The following SETD6 variants were observed in gnomAD, a reference collection of about 807,000 sequenced individuals.
SETD6 encodes SET domain containing 6, protein lysine methyltransferase.
A neutral mutation model predicts 52.7 loss-of-function variants in SETD6; 67 were observed. The ratio of observed to expected loss-of-function variants is 1.27; its 90% confidence interval spans 1.04 to 1.56. The LOEUF is 1.56. SETD6 is among the 40% of genes most tolerant of loss of function. The pLI is 0.00. For synonymous variants in SETD6, 307 were observed against 250.2 expected (o/e 1.23, Z -2.14); for missense variants, 712 against 607.5 (o/e 1.17, Z -1.81).
Position 58,516,239 on chromosome 16 carries a change from A to C in SETD6, c.372A>C (p.Pro124=), listed in dbSNP as rs1206559115. ...TGCAGAGCCAGTCGGGCTGGGTGCCACTGCTGCTGGCGCTGCTCCACGAGC... is the reference window on the plus strand; with the variant it reads ...TGCAGAGCCAGTCGGGCTGGGTGCCCCTGCTGCTGGCGCTGCTCCACGAGC... ...VALQSQSGWV[P]LLLALLHELQ... Residue 124 remains proline (P), a synonymous_variant, in exon 3 of 8, where the codon CCA becomes CCC. Transcript: ENST00000219315. 3.8e-6 allele frequency: 6 copies of C among 1,598,046 alleles called. No homozygotes were observed. The highest frequency in any genetic ancestry group is 2.7e-5 in the African/African-American group (2 of 74,864).
chr16:58,519,983 A>G lies in SETD6; in HGVS notation c.*954A>G, dbSNP rs1348963997. ...CATGACTTTAATGGTTAGCTACAGT[A>G]TGCATACACATACAAGAAGTAGGGG... On this transcript the variant is annotated 3_prime_UTR_variant, in exon 8 of 8. Transcript: ENST00000219315. 2 of 152,254 alleles carry G rather than the reference A, an allele frequency of 1.3e-5. No individual in the cohort carries two copies. Among genetic ancestry groups the G allele is most frequent in the Admixed American group, 1.3e-4 (2 of 15,290 alleles). The allele number at this position is 152,254 out of a possible 1,614,324, so 9.4% of individuals were successfully genotyped here. A position where few individuals can be genotyped will look rare whatever the true frequency, so the allele number is the denominator to read the frequency against.
chr16:58,517,890 T>A lies in SETD6; in HGVS notation c.793-161T>A. On this transcript the variant is annotated intron_variant, in intron 5 of 7. Coordinates refer to ENST00000219315, the MANE Select transcript of SETD6 (RefSeq NM_001160305.4). ...AAAGTTAGCCCAACCCTTTTTTGTT[T>A]CACAGTTTAGGGTCTAACAGGAACT... 3.6e-6 allele frequency: 3 copies of A among 829,652 alleles called. No homozygotes were observed. In the South Asian group the frequency reaches 5.4e-5, roughly 15 times the overall value. 51.4% of individuals were successfully genotyped at this position (829,652 alleles called of 1,614,324 possible). A position where few individuals can be genotyped will look rare whatever the true frequency, so the allele number is the denominator to read the frequency against.
chr16:58,523,345 T>A lies in SETD6; in HGVS notation c.*4316T>A. On this transcript the variant is annotated 3_prime_UTR_variant, in exon 8 of 8. Coordinates refer to ENST00000219315, the MANE Select transcript of SETD6 (RefSeq NM_001160305.4). ...AAAGGGAGGAGATCCTTTTGAAGCATTTAAAAAATAAGCTGCTCGCTTACC... is the reference window on the plus strand; with the variant it reads ...AAAGGGAGGAGATCCTTTTGAAGCAATTAAAAAATAAGCTGCTCGCTTACC... The A allele has an allele frequency of 6.4e-7, 1 of 1,560,126 alleles. No homozygotes were observed. The highest frequency in any genetic ancestry group is 1.2e-5 in the South Asian group (1 of 81,444).
intron 1 of SETD6, 33 bp downstream of exon 1, chr16:58,515,597 T>C (rs763904208): frequency 9.1e-5 from 139 of 1,525,608 alleles, no homozygotes; most frequent in Non-Finnish European, 1.2e-4. Context: ...AGCCTTTTCC[T>C]CCGCGCCTCA....
chr16:58,518,924 T>G lies in SETD6; in HGVS notation c.1317T>G (p.Ser439Arg), dbSNP rs2039268244. 6.2e-7 allele frequency: 1 copy of G among 1,614,154 alleles called. No homozygotes were observed. Among genetic ancestry groups the G allele is most frequent in the Admixed American group, 1.7e-5 (1 of 60,028 alleles). ...TDLKTDQGLL[S>R]NKEVYAKLSW... ...TAAAAACTGACCAAGGTTTACTCAG[T>G]AATAAGGAAGTCTATGCGAAACTCA... Residue 439 changes from serine (S) to arginine (R), a missense_variant, in exon 8 of 8, where the codon AGT becomes AGG. Coordinates refer to ENST00000219315, the MANE Select transcript of SETD6 (RefSeq NM_001160305.4).
Position 58,518,516 on chromosome 16 carries a change from TGAAGAGGAGCTGACC to T in SETD6, c.1090_1104del (p.Glu364_Thr368del). 2 of 1,594,156 alleles carry T rather than the reference TGAAGAGGAGCTGACC, an allele frequency of 1.3e-6. No individual in the cohort carries two copies. The highest frequency in any genetic ancestry group is 1.7e-6 in the Non-Finnish European group (2 of 1,175,594). On this transcript the variant is annotated inframe_deletion, in exon 7 of 8. Coordinates refer to ENST00000219315, the MANE Select transcript of SETD6 (RefSeq NM_001160305.4). The stretch of plus-strand genomic sequence containing the variant: ...TGATAGGGAGGGAGGAGGTGCTGAC[TGAAGAGGAGCTGACC>T]ACCACACTAAAGGTAAACGGCTGAA...
chr16:58,520,740 C>T lies in SETD6; in HGVS notation c.*1711C>T. ...CACAAGTTCAAAATGATATTCACAG[C>T]ATCTTCTAAATTTTGGCCAAGAGTC... is the stretch of plus-strand genomic sequence containing the variant. On this transcript the variant is annotated 3_prime_UTR_variant, in exon 8 of 8. Transcript: ENST00000219315. The T allele has an allele frequency of 1.8e-6, 1 of 565,716 alleles. No homozygotes were observed. Among genetic ancestry groups the T allele is most frequent in the Non-Finnish European group, 3.2e-6 (1 of 316,462 alleles). 35.0% of individuals were successfully genotyped at this position (565,716 alleles called of 1,614,324 possible).
intron 5 of SETD6, 158 bp downstream of exon 5, chr16:58,517,086 A>C: frequency 9.2e-7 from 1 of 1,091,016 alleles, no homozygotes; most frequent in East Asian, 2.5e-5. Flanking sequence ...TTTGAATGCG[A>C]AACATTTTAA....
At position 58,515,517 on chromosome 16, in the gene SETD6, G is replaced by T. The variant is rs114296989; in HGVS notation, c.-21G>T. 1.3e-3 allele frequency: 2,037 copies of T among 1,580,254 alleles called. 28 individuals carry two copies. The African/African-American group carries it at 0.024, about 19-fold the overall frequency. On this transcript the variant is annotated 5_prime_UTR_variant, in exon 1 of 8. Transcript: ENST00000219315. Reference sequence around the variant, plus strand: ...GTGACCGCGCGGTGCGCCGGCCCGCGAGGAAACGCGCTCTTAGACCATGGC... The same window carrying T: ...GTGACCGCGCGGTGCGCCGGCCCGCTAGGAAACGCGCTCTTAGACCATGGC...
At position 58,516,689 on chromosome 16, in the gene SETD6, T is replaced by A. The variant is rs142745643; in HGVS notation, c.671+17T>A. Reference sequence around the variant, plus strand: ...GGCCTATAGGTCAGTGGGTGGGGCCTCTGAGGACGGAACCCTTTTCTTTAC... The same window carrying A: ...GGCCTATAGGTCAGTGGGTGGGGCCACTGAGGACGGAACCCTTTTCTTTAC... On this transcript the variant is annotated intron_variant, in intron 4 of 7. Coordinates refer to ENST00000219315, the MANE Select transcript of SETD6 (RefSeq NM_001160305.4). The A allele has an allele frequency of 5.4e-5, 87 of 1,611,086 alleles. No homozygotes were observed. The highest frequency in any genetic ancestry group is 7.0e-5 in the Non-Finnish European group (82 of 1,178,310).
Position 58,521,750 on chromosome 16 carries a change from G to C in SETD6, c.*2721G>C, listed in dbSNP as rs187529915. 3.6e-4 allele frequency among the ~76,000 whole-genome samples: 54 copies of C among 151,908 alleles called. 2 individuals are homozygous for C. The South Asian group carries it at 0.011, about 31-fold the overall frequency. On this transcript the variant is annotated 3_prime_UTR_variant, in exon 8 of 8. Transcript: ENST00000219315. The stretch of plus-strand genomic sequence containing the variant: ...GTGGATCACCTGAGGTCAGGAGTTC[G>C]AGACCAGCCTGGCCAACATGGTGAA...
In SETD6 at chr16:58,520,643, T is replaced by C. The variant is rs2039338325; in HGVS notation, c.*1614T>C. On this transcript the variant is annotated 3_prime_UTR_variant, in exon 8 of 8. Coordinates refer to ENST00000219315, the MANE Select transcript of SETD6 (RefSeq NM_001160305.4). ...CTCTTCATTACAAGGTACCAGTTTATGTACTTGCCTTGGACACAGCTTGCA... is the reference window on the plus strand; with the variant it reads ...CTCTTCATTACAAGGTACCAGTTTACGTACTTGCCTTGGACACAGCTTGCA... 2.8e-6 allele frequency: 1 copy of C among 356,860 alleles called. No homozygotes were observed. Among genetic ancestry groups the C allele is most frequent in the East Asian group, 5.3e-5 (1 of 18,876 alleles). The allele number at this position is 356,860 out of a possible 1,614,324, so 22.1% of individuals were successfully genotyped here. A position where few individuals can be genotyped will look rare whatever the true frequency, so the allele number is the denominator to read the frequency against.
At position 58,515,521 on chromosome 16, in the gene SETD6, A is replaced by T. The variant is rs965764825; in HGVS notation, c.-17A>T. 1.9e-6 allele frequency: 3 copies of T among 1,581,818 alleles called. No individual in the cohort carries two copies. The highest frequency in any genetic ancestry group is 2.6e-6 in the Non-Finnish European group (3 of 1,169,012). On this transcript the variant is annotated 5_prime_UTR_variant, in exon 1 of 8. Transcript: ENST00000219315. ...CCGCGCGGTGCGCCGGCCCGCGAGG[A>T]AACGCGCTCTTAGACCATGGCGACC...
At position 58,519,112 on chromosome 16, in the gene SETD6, T is replaced by G; in HGVS notation, c.*83T>G. On this transcript the variant is annotated 3_prime_UTR_variant, in exon 8 of 8. Transcript: ENST00000219315. ...ATTGATGTTTGAAAAAGAGGAAAAT[T>G]TGGATCTTTCTTTTGCTTACTAAAC... is the stretch of plus-strand genomic sequence containing the variant. 4 of 1,387,734 alleles carry G rather than the reference T, an allele frequency of 2.9e-6. No individual in the cohort carries two copies. The highest frequency in any genetic ancestry group is 3.8e-6 in the Non-Finnish European group (4 of 1,039,196). 86.0% of individuals were successfully genotyped at this position (1,387,734 alleles called of 1,614,324 possible).
chr16:58,521,413 G>T lies in SETD6; in HGVS notation c.*2384G>T. 2 of 1,284,786 alleles carry T rather than the reference G, an allele frequency of 1.6e-6. No individual in the cohort carries two copies. The highest frequency in any genetic ancestry group is 1.1e-6 in the Non-Finnish European group (1 of 929,648). 79.6% of individuals were successfully genotyped at this position (1,284,786 alleles called of 1,614,324 possible). A position where few individuals can be genotyped will look rare whatever the true frequency, so the allele number is the denominator to read the frequency against. On this transcript the variant is annotated 3_prime_UTR_variant, in exon 8 of 8. Coordinates refer to ENST00000219315, the MANE Select transcript of SETD6 (RefSeq NM_001160305.4). ...TTTTTCTAACTTCTCCCTGACTATT[G>T]AACCACATGCAAAAGTTTTCACCTT...
At position 58,523,537 on chromosome 16, in the gene SETD6, C is replaced by T; in HGVS notation, c.*4508C>T. On this transcript the variant is annotated 3_prime_UTR_variant, in exon 8 of 8. Transcript: ENST00000219315. Reference sequence around the variant, plus strand: ...AAGAAACCTTGACTTAGGACTTAGTCTGAAAGGCCAACATGGGAAGACAGT... The same window carrying T: ...AAGAAACCTTGACTTAGGACTTAGTTTGAAAGGCCAACATGGGAAGACAGT... 1.9e-6 allele frequency: 3 copies of T among 1,608,708 alleles called. No individual in the cohort carries two copies. The highest frequency in any genetic ancestry group is 2.5e-6 in the Non-Finnish European group (3 of 1,176,792).
In SETD6 at chr16:58,516,034, G is replaced by A. The variant is rs1333680038; in HGVS notation, c.271G>A (p.Val91Met). Residue 91 changes from valine (V) to methionine (M), a missense_variant, in exon 2 of 8, where the codon GTG (valine) becomes ATG (methionine). Physicochemically the swap from Val to Met is conservative, Grantham distance 21. Transcript: ENST00000219315. Reference sequence around the variant, plus strand: ...CGTGCAGGCCGGAGAGCTGTTGTTCGTGGTGCCGCGGGCCGCGCTCCTGTC... The same window carrying A: ...CGTGCAGGCCGGAGAGCTGTTGTTCATGGTGCCGCGGGCCGCGCTCCTGTC... ...ESVQAGELLF[V>M]VPRAALLSQH... The A allele has an allele frequency of 1.3e-6, 2 of 1,522,102 alleles. No homozygotes were observed. Among genetic ancestry groups the A allele is most frequent in the Non-Finnish European group, 8.7e-7 (1 of 1,146,388 alleles). The allele number at this position is 1,522,102 out of a possible 1,614,324, so 94.3% of individuals were successfully genotyped here.
rs781016326 is a variant in SETD6, at chr16:58,518,399, AG to A, written c.974del. On this transcript the variant is annotated splice_acceptor_variant, in intron 6 of 7. Coordinates refer to ENST00000219315, the MANE Select transcript of SETD6 (RefSeq NM_001160305.4). LOFTEE classifies it high-confidence loss of function. ...ACTTTCACATTGCTGTTTCATCTAC[AG>A]GAACAAAAACTGAAGCTGAAAGGCA... 2.2e-5 allele frequency: 35 copies of A among 1,580,398 alleles called. No individual in the cohort carries two copies. Among genetic ancestry groups the A allele is most frequent in the Non-Finnish European group, 3.0e-5 (35 of 1,168,758 alleles).
chr16:58,516,176 G>A (rs767723097), intron 2 of SETD6, 26 bp from the exon 3 acceptor site: 2 of 1,450,596 alleles, frequency 1.4e-6, no homozygotes, highest in Non-Finnish European at 1.8e-6. Flanking sequence ...GCCGCGCCGG[G>A]GCGCTCACAC....
Sources: gnomAD v4.1 joint callset for allele counts (sites outside exome capture counted in the v4.1 genomes callset) on GRCh38, gnomAD v4.1.1 for gene constraint, MANE v1.5 for transcripts, NCBI Gene and HGNC (gene_info 2026-07-23, HGNC 2026-07-21) for gene names.